Variants in TMEM178B observed in about 807,000 individuals in gnomAD.
The protein encoded by TMEM178B is transmembrane protein 178B.
In TMEM178B, 5 loss-of-function variants were observed where a neutral mutation model predicts 31.0. The observed-to-expected ratio is 0.16, with a 90% CI of 0.08 to 0.34. The LOEUF (loss-of-function observed/expected upper bound fraction) is 0.34. Among genes scored for constraint, TMEM178B ranks in the 10% least tolerant of loss-of-function variants. TMEM178B has a pLI of 1.00. For synonymous variants in TMEM178B, 164 were observed against 164.0 expected (o/e 1.00, Z 0.00); for missense variants, 275 against 400.3 (o/e 0.69, Z 2.67).
chr7:141,099,825 G>T (rs1795022919), intron 1 of TMEM178B, among the ~76,000 whole-genome samples: 1 of 125,022 alleles, frequency 8.0e-6, no homozygotes. Context: ...AAATGAAAAC[G>T]GTGTCTCTTT....
intron 2 of TMEM178B, among the ~76,000 whole-genome samples, chr7:141,409,373 GAAC>G (rs1243936776): frequency 6.6e-6 from 1 of 152,166 alleles, no homozygotes; most frequent in Non-Finnish European, 1.5e-5. Context: ...GTCTCAGGAA[GAAC>G]AAGGGAATGT....
chr7:141,501,455 G>A, the TMEM178B span, among the ~76,000 whole-genome samples: 1 of 152,036 alleles, frequency 6.6e-6, no homozygotes, highest in East Asian at 1.9e-4. Context: ...TGGTATAAAT[G>A]GGATGATTAA....
intron 1 of TMEM178B, among the ~76,000 whole-genome samples, chr7:141,100,339 G>A (rs1795034858): frequency 6.6e-6 from 1 of 151,962 alleles, no homozygotes; most frequent in African/African-American, 2.4e-5. Context: ...TTGATTGAGT[G>A]GTCGTTTTCT....
chr7:141,129,424 G>T (rs1004752608), intron 1 of TMEM178B, among the ~76,000 whole-genome samples: 1 of 152,176 alleles, frequency 6.6e-6, no homozygotes, highest in Non-Finnish European at 1.5e-5. Flanking sequence ...CAGCTCTGTA[G>T]TGAACAGCTC....
intron 3 of TMEM178B, among the ~76,000 whole-genome samples, chr7:141,446,195 C>T (rs1801751029): frequency 6.6e-6 from 1 of 152,216 alleles, no homozygotes; most frequent in Non-Finnish European, 1.5e-5. Context: ...CATTTTCACA[C>T]TGAAGCTGGG....
intron 2 of TMEM178B, among the ~76,000 whole-genome samples, chr7:141,407,221 G>T (rs553689273): frequency 6.6e-6 from 1 of 152,184 alleles, no homozygotes. Flanking sequence ...AGCTGTTGAC[G>T]CTCTGTGCTG....
intron 2 of TMEM178B, among the ~76,000 whole-genome samples, chr7:141,358,706 T>G (rs1293147388): frequency 1.3e-5 from 2 of 152,032 alleles, no homozygotes; most frequent in African/African-American, 4.8e-5. Context: ...CTCAAAGAAT[T>G]CTAATAAGTC....
At chr7:141,407,139 C>T (rs1800898720) in intron 2 of TMEM178B, among the ~76,000 whole-genome samples, 2 of 152,150 alleles carry the variant, frequency 1.3e-5, no homozygotes, top group African/African-American at 4.8e-5. Context: ...TAACAGAGAC[C>T]ATATGGCCTG....
At chr7:141,257,594 A>C (rs982748189) in intron 2 of TMEM178B, among the ~76,000 whole-genome samples, 3 of 150,842 alleles carry the variant, frequency 2.0e-5, no homozygotes, top group African/African-American at 7.3e-5. Flanking sequence ...GACTGCAAAA[A>C]CTCCCCTCTG....
At chr7:141,417,100 A>G (rs745753699) in intron 2 of TMEM178B, among the ~76,000 whole-genome samples, 2 of 152,232 alleles carry the variant, frequency 1.3e-5, no homozygotes, top group Non-Finnish European at 2.9e-5. Flanking sequence ...GGTTCCTGGC[A>G]CATAGTAAGT....
rs144056609 is a variant in TMEM178B, at chr7:141,129,897, A to G, written c.382+55205A>G. Among the ~76,000 whole-genome samples the G allele has an allele frequency of 5.7e-3, 861 of 152,274 alleles. 14 individuals carry two copies. Among genetic ancestry groups the G allele is most frequent in the African/African-American group, 0.02 (828 of 41,552 alleles). Reference sequence around the variant, plus strand: ...GGCTATAAATATTTTCCAGTTGACAATTTGTTGAGTTTTTCTAAAGACCTG... The same window carrying G: ...GGCTATAAATATTTTCCAGTTGACAGTTTGTTGAGTTTTTCTAAAGACCTG... On this transcript the variant is annotated intron_variant, in intron 1 of 3. Transcript: ENST00000565468.
At chr7:141,297,432 G>A (rs1385320376) in intron 2 of TMEM178B, among the ~76,000 whole-genome samples, 3 of 152,118 alleles carry the variant, frequency 2.0e-5, no homozygotes, top group Admixed American at 1.3e-4. Context: ...ATGTATACAT[G>A]TGCAATGTTG....
At chr7:141,096,600 T>C (rs748748664) in intron 1 of TMEM178B, among the ~76,000 whole-genome samples, 37 of 152,346 alleles carry the variant, frequency 2.4e-4, no homozygotes, top group East Asian at 9.6e-4. Flanking sequence ...TAGAAGGCGG[T>C]GTAACCAGGG....
At chr7:141,418,185 C>G (rs889113299) in intron 2 of TMEM178B, among the ~76,000 whole-genome samples, 2 of 152,178 alleles carry the variant, frequency 1.3e-5, no homozygotes, top group Admixed American at 6.5e-5. Flanking sequence ...GAAGTCCTCC[C>G]TGACTCTGTG....
intron 2 of TMEM178B, among the ~76,000 whole-genome samples, chr7:141,291,443 G>A (rs1039108655): frequency 1.3e-5 from 2 of 152,150 alleles, no homozygotes; most frequent in African/African-American, 2.4e-5. Context: ...GGGCAGTAGC[G>A]CGAGGAGTGA....
rs556500178 is a variant in TMEM178B at position 141,226,570 on chromosome 7, T to C, written c.496+13866T>C. 2.8e-4 allele frequency among the ~76,000 whole-genome samples: 42 copies of C among 152,286 alleles called. 1 individual carries two copies. In the East Asian group the frequency reaches 5.8e-3, roughly 21 times the overall value. On this transcript the variant is annotated intron_variant, in intron 2 of 3. Transcript: ENST00000565468. ...AGAAACATACAGTTTTAAAAACTAC[T>C]GGCTAGGCGTGGAGGCTCATGCCTG...
chr7:141,485,764 G>A, the TMEM178B span, among the ~76,000 whole-genome samples: 1 of 152,342 alleles, frequency 6.6e-6, no homozygotes, highest in Middle Eastern at 3.4e-3. Flanking sequence ...CACTGGCTGG[G>A]CCTGGAGCTT....
At chr7:141,494,030 T>C in the TMEM178B span, among the ~76,000 whole-genome samples, 3 of 152,330 alleles carry the variant, frequency 2.0e-5, no homozygotes, top group South Asian at 6.2e-4. Context: ...TCTTTCTTCC[T>C]TTCCCCCCTC....
chr7:141,138,246 A>G (rs1252122166), intron 1 of TMEM178B, among the ~76,000 whole-genome samples: 1 of 151,994 alleles, frequency 6.6e-6, no homozygotes, highest in Admixed American at 6.5e-5. Flanking sequence ...TATTTTTAGT[A>G]GAGATGGGGT....
Sources: allele counts gnomAD v4.1 joint callset (sites outside exome capture counted in the v4.1 genomes callset), GRCh38; gene constraint gnomAD v4.1.1; transcripts MANE v1.5; gene names NCBI Gene and HGNC (gene_info 2026-07-23, HGNC 2026-07-21).